The following NAV2 variants were observed in gnomAD, a reference collection of about 807,000 sequenced individuals.
NAV2 encodes helicase, APC down-regulated 1.
Under a neutral mutation model 223.2 loss-of-function variants are expected in NAV2, and 54 were observed. That is an observed-to-expected ratio of 0.24 (90% CI 0.19 to 0.30). NAV2 has a LOEUF of 0.30. Among genes scored for constraint, NAV2 ranks in the 10% least tolerant of loss-of-function variants. NAV2 has a pLI of 1.00. For synonymous variants in NAV2, 1,279 were observed against 1,239.3 expected (o/e 1.03, Z -0.67); for missense variants, 2,806 against 3,147.5 (o/e 0.89, Z 2.60).
chr11:19,880,687 A>G (rs137992936), intron 5 of NAV2, among the ~76,000 whole-genome samples: 398 of 152,302 alleles, frequency 2.6e-3, no homozygotes, highest in African/African-American at 9.2e-3. Flanking sequence ...GAGTCCCACA[A>G]TGCAGGAGTA....
chr11:19,915,842 A>G (rs1190366819), intron 6 of NAV2, among the ~76,000 whole-genome samples: 1 of 152,210 alleles, frequency 6.6e-6, no homozygotes, highest in African/African-American at 2.4e-5. Flanking sequence ...CTTGGCATAC[A>G]GAGACGTTAA....
At chr11:19,690,248 C>T (rs1459364874) in intron 1 of NAV2, among the ~76,000 whole-genome samples, 1 of 152,194 alleles carries the variant, frequency 6.6e-6, no homozygotes, top group Non-Finnish European at 1.5e-5. Context: ...AGGTGTGAGT[C>T]ACTGCGCCCA....
intron 1 of NAV2, among the ~76,000 whole-genome samples, chr11:19,541,047 A>C (rs1380343438): frequency 6.6e-6 from 1 of 152,236 alleles, no homozygotes; most frequent in Non-Finnish European, 1.5e-5. Context: ...GGTACTTCTC[A>C]AGTATTTGTC....
At chr11:20,081,686 A>G (rs1162862403) in intron 25 of NAV2, among the ~76,000 whole-genome samples, 2 of 152,210 alleles carry the variant, frequency 1.3e-5, no homozygotes, top group Non-Finnish European at 2.9e-5. Flanking sequence ...CAAGCTGGAC[A>G]TGTGGTTTAT....
At chr11:19,757,391 C>G (rs1211805378) in intron 1 of NAV2, among the ~76,000 whole-genome samples, 1 of 152,106 alleles carries the variant, frequency 6.6e-6, no homozygotes, top group Non-Finnish European at 1.5e-5. Flanking sequence ...ATAAGGTGTC[C>G]TCAGATTCTG....
chr11:19,973,067 G>A (rs927335209), intron 10 of NAV2, among the ~76,000 whole-genome samples: 9 of 152,090 alleles, frequency 5.9e-5, no homozygotes, highest in East Asian at 3.9e-4. Context: ...CAAATTAGTC[G>A]CCTTCTCATT....
At chr11:19,565,596 C>G (rs2045241714) in intron 1 of NAV2, among the ~76,000 whole-genome samples, 1 of 152,218 alleles carries the variant, frequency 6.6e-6, no homozygotes, top group South Asian at 2.1e-4. Flanking sequence ...TCATAGGTAT[C>G]TGGAATAAGC....
At chr11:19,752,672 G>T (rs1033181019) in intron 1 of NAV2, among the ~76,000 whole-genome samples, 8 of 152,128 alleles carry the variant, frequency 5.3e-5, no homozygotes, top group South Asian at 2.1e-4. Context: ...GAAAGTAGTT[G>T]TATGAAGGTA....
intron 1 of NAV2, among the ~76,000 whole-genome samples, chr11:19,721,085 C>T (rs1409145329): frequency 6.6e-6 from 1 of 152,172 alleles, no homozygotes; most frequent in African/African-American, 2.4e-5. Flanking sequence ...TAGGTAGACC[C>T]AAATATTTGA....
At chr11:20,021,575 G>C (rs189705635) in intron 11 of NAV2, among the ~76,000 whole-genome samples, 1 of 152,270 alleles carries the variant, frequency 6.6e-6, no homozygotes, top group East Asian at 1.9e-4. Context: ...GGACAGCATA[G>C]AAGGTAAGGG....
intron 1 of NAV2, among the ~76,000 whole-genome samples, chr11:19,392,206 A>G (rs1346773810): frequency 6.6e-6 from 1 of 152,154 alleles, no homozygotes; most frequent in Admixed American, 6.5e-5. Context: ...ATTGCAAACT[A>G]TTTGAGGCAT....
intron 8 of NAV2, among the ~76,000 whole-genome samples, chr11:19,942,225 G>A (rs1319340278): frequency 1.3e-5 from 2 of 152,170 alleles, no homozygotes; most frequent in Non-Finnish European, 2.9e-5. Context: ...CATTGTCAGA[G>A]GAGGCATAAT....
intron 1 of NAV2, among the ~76,000 whole-genome samples, chr11:19,544,568 A>C (rs1043586474): frequency 1.3e-5 from 2 of 152,176 alleles, no homozygotes; most frequent in Admixed American, 1.3e-4. Flanking sequence ...TCCACCCTTG[A>C]ACACCTGTCT....
intron 1 of NAV2, among the ~76,000 whole-genome samples, chr11:19,403,532 G>A (rs1849771711): frequency 6.6e-6 from 1 of 152,178 alleles, no homozygotes. Flanking sequence ...TCAAAGATAG[G>A]GAGGCATGTA....
Position 19,367,719 on chromosome 11 carries a change from G to C in NAV2, c.75+16692G>C, listed in dbSNP as rs118002722. Reference sequence around the variant, plus strand: ...CCTTGTGGGCCCTAAGGACTAGAATGCCTCCTAAGTCAGGTCCAGAGAAGC... The same window carrying C: ...CCTTGTGGGCCCTAAGGACTAGAATCCCTCCTAAGTCAGGTCCAGAGAAGC... On this transcript the variant is annotated intron_variant, in intron 1 of 37. Coordinates refer to the NAV2 transcript ENST00000360655. Among the ~76,000 whole-genome samples, 944 of 152,170 alleles carry C rather than the reference G, an allele frequency of 6.2e-3. 20 individuals carry two copies. The highest frequency in any genetic ancestry group is 0.056 in the East Asian group (288 of 5,170).
chr11:19,712,635 G>A (rs994268149), upstream of NAV2: 1 of 151,528 alleles, frequency 6.6e-6, no homozygotes, highest in Non-Finnish European at 1.5e-5. Flanking sequence ...GCGCGCGGCC[G>A]GGGCAGTGCC....
chr11:19,420,930 A>G (rs983239349), intron 1 of NAV2, among the ~76,000 whole-genome samples: 2 of 152,224 alleles, frequency 1.3e-5, no homozygotes, highest in Non-Finnish European at 2.9e-5. Context: ...AACAGAACTC[A>G]AGGGTGACCT....
chr11:19,994,272 C>G lies in NAV2; in HGVS notation c.2768+10025C>G, dbSNP rs12361983. ...GTTGAAAGGTCAGCCTAGGGCCAGG[C>G]GTGGTGGCTCATGCCTGTAATCCCA... On this transcript the variant is annotated intron_variant, in intron 11 of 37. Transcript: ENST00000349880. Among the ~76,000 whole-genome samples the G allele has an allele frequency of 3.6e-3, 541 of 152,214 alleles. 3 individuals are homozygous for G. Among genetic ancestry groups the G allele is most frequent in the Admixed American group, 7.6e-3 (117 of 15,300 alleles).
intron 1 of NAV2, among the ~76,000 whole-genome samples, chr11:19,357,513 A>C (rs1392585731): frequency 1.3e-5 from 2 of 152,234 alleles, no homozygotes; most frequent in African/African-American, 4.8e-5. Context: ...CATAAGTATT[A>C]AATGATATCT....
Sources: gnomAD v4.1 joint callset for allele counts (sites outside exome capture counted in the v4.1 genomes callset) on GRCh38, gnomAD v4.1.1 for gene constraint, MANE v1.5 for transcripts, NCBI Gene and HGNC (gene_info 2026-07-23, HGNC 2026-07-21) for gene names.